YAP1: variants seen among roughly 807,000 people sequenced by gnomAD.
YAP1 encodes the protein transcriptional coactivator YAP1.
In YAP1, 5 loss-of-function variants were observed where a neutral mutation model predicts 56.9. The observed-to-expected ratio is 0.09, with a 90% confidence interval of 0.05 to 0.18. The LOEUF is 0.18. Among genes scored for constraint, YAP1 ranks in the 10% least tolerant of loss-of-function variants. YAP1 has a pLI of 1.00. For missense variants in YAP1, 539 were observed against 651.8 expected (o/e 0.83, Z 1.88); for synonymous variants, 265 against 248.1 (o/e 1.07, Z -0.64).
chr11:102,209,450 A>G, intron 5 of YAP1, 67 bp from the exon 6 acceptor site: 2 of 1,396,332 alleles, frequency 1.4e-6, no homozygotes, highest in Non-Finnish European at 2.0e-6. Context: ...ACAATTTGTA[A>G]GTCAGCCTAC....
At chr11:102,185,392 C>A (rs150315379) in intron 3 of YAP1, among the ~76,000 whole-genome samples, 1 of 152,212 alleles carries the variant, frequency 6.6e-6, no homozygotes, top group African/African-American at 2.4e-5. Context: ...TCCTCCCAAG[C>A]CTCCAACAAG....
chr11:102,112,111 G>C (rs897256213), intron 1 of YAP1, among the ~76,000 whole-genome samples: 3 of 152,230 alleles, frequency 2.0e-5, no homozygotes, highest in African/African-American at 7.2e-5. Context: ...GCGCTTTACA[G>C]TACCGAGGTT....
rs751339753 is a variant in YAP1 at position 102,112,425 on chromosome 11, CTTTTTT to C, written c.321+1272_321+1277del. ...TTTTCTTTCTTTTTTATTTCTTCTT[CTTTTTT>C]TTTTTTTTTTTTTTTGAGAACTTGC... On this transcript the variant is annotated intron_variant, in intron 1 of 8. Coordinates refer to ENST00000282441, the MANE Select transcript of YAP1 (RefSeq NM_001130145.3). 6.5e-5 allele frequency: 54 copies of C among 827,290 alleles called. No individual in the cohort carries two copies. The African/African-American group carries it at 8.3e-4, about 13-fold the overall frequency. 51.2% of individuals were successfully genotyped at this position (827,290 alleles called of 1,614,324 possible).
rs536183294 is a variant in YAP1 at position 102,139,044 on chromosome 11, T to C, written c.573-23412T>C. On this transcript the variant is annotated intron_variant, in intron 2 of 8. Coordinates refer to ENST00000282441, the MANE Select transcript of YAP1 (RefSeq NM_001130145.3). Reference sequence around the variant, plus strand: ...ATATATGTCTTTCTCTAAAGGCCCATGAAAACAAGTTTTTTTTTTTTCTCT... The same window carrying C: ...ATATATGTCTTTCTCTAAAGGCCCACGAAAACAAGTTTTTTTTTTTTCTCT... 4.5e-4 allele frequency among the ~76,000 whole-genome samples: 68 copies of C among 152,074 alleles called. 1 individual carries two copies. The South Asian group carries it at 0.013, about 29-fold the overall frequency.
intron 3 of YAP1, among the ~76,000 whole-genome samples, chr11:102,180,328 T>C (rs1947517924): frequency 6.6e-6 from 1 of 151,970 alleles, no homozygotes; most frequent in Non-Finnish European, 1.5e-5. Context: ...AAATGCAAAA[T>C]ATATACTCCT....
chr11:102,125,939 C>G (rs1944013167), intron 2 of YAP1, among the ~76,000 whole-genome samples: 1 of 152,024 alleles, frequency 6.6e-6, no homozygotes. Flanking sequence ...TTAGCAGCCA[C>G]TATCTCTAGC....
chr11:102,166,229 A>T (rs1639446640), intron 3 of YAP1, among the ~76,000 whole-genome samples: 1 of 152,184 alleles, frequency 6.6e-6, no homozygotes, highest in South Asian at 2.1e-4. Flanking sequence ...TCATATGGAG[A>T]CCTGCTGATC....
At chr11:102,111,422 G>A (rs1449003385) in intron 1 of YAP1, among the ~76,000 whole-genome samples, 2 of 152,134 alleles carry the variant, frequency 1.3e-5, no homozygotes, top group Admixed American at 6.5e-5. Context: ...GCAGCCCCGG[G>A]GGGCGTGCTT....
chr11:102,164,235 A>G (rs1026567068), intron 3 of YAP1, among the ~76,000 whole-genome samples: 20 of 152,030 alleles, frequency 1.3e-4, no homozygotes, highest in Admixed American at 3.9e-4. Context: ...GGGTTTCACT[A>G]TGTTGGCCAG....
intron 3 of YAP1, among the ~76,000 whole-genome samples, chr11:102,165,327 T>C (rs1258844661): frequency 6.6e-6 from 1 of 152,168 alleles, no homozygotes; most frequent in African/African-American, 2.4e-5. Context: ...ACCACCATAC[T>C]CCAGCCTAGG....
At chr11:102,119,572 C>T (rs1943523677) in intron 2 of YAP1, among the ~76,000 whole-genome samples, 1 of 151,398 alleles carries the variant, frequency 6.6e-6, no homozygotes, top group South Asian at 2.1e-4. Flanking sequence ...AATACCCTTT[C>T]CTAAAGCTTT....
At chr11:102,206,683 A>G (rs950498509) in intron 5 of YAP1, among the ~76,000 whole-genome samples, 2 of 152,132 alleles carry the variant, frequency 1.3e-5, no homozygotes, top group African/African-American at 4.8e-5. Context: ...TCTCTACTAA[A>G]AATAAAAAAA....
At chr11:102,163,988 C>T (rs1057328242) in intron 3 of YAP1, among the ~76,000 whole-genome samples, 14 of 151,676 alleles carry the variant, frequency 9.2e-5, no homozygotes, top group Admixed American at 5.2e-4. Context: ...CATTATACTA[C>T]GAATACATTC....
chr11:102,184,683 A>G (rs543760921), intron 3 of YAP1, among the ~76,000 whole-genome samples: 3 of 152,320 alleles, frequency 2.0e-5, no homozygotes, highest in South Asian at 2.1e-4. Context: ...AGTTTAACCA[A>G]AGTTACTTAT....
At chr11:102,139,282 T>C (rs1359081505) in intron 2 of YAP1, among the ~76,000 whole-genome samples, 1 of 151,922 alleles carries the variant, frequency 6.6e-6, no homozygotes, top group East Asian at 1.9e-4. Context: ...GGAGTTGTAT[T>C]GGGTCTATGA....
chr11:102,125,644 G>T (rs112224786), intron 2 of YAP1, among the ~76,000 whole-genome samples: 27 of 152,166 alleles, frequency 1.8e-4, no homozygotes, highest in African/African-American at 6.5e-4. Flanking sequence ...CTCCCAAAGT[G>T]CTGGGATTAC....
At chr11:102,162,676 G>A in intron 3 of YAP1, 105 bp downstream of exon 3, 1 of 1,054,820 alleles carries the variant, frequency 9.5e-7, no homozygotes, top group East Asian at 2.4e-5. Flanking sequence ...GGGACATGGT[G>A]ATGTTTATTG....
At position 102,142,584 on chromosome 11, in the gene YAP1, T is replaced by C. The variant is rs796446994; in HGVS notation, c.573-19872T>C. Among the ~76,000 whole-genome samples the C allele has an allele frequency of 1.4e-4, 21 of 152,358 alleles. No homozygotes were observed. In the South Asian group the frequency reaches 2.5e-3, roughly 18 times the overall value. ...AGAGCCATGGCATAGCCAGACACTT[T>C]CCATAGCTTTGAGAATCTATTCTTG... On this transcript the variant is annotated intron_variant, in intron 2 of 8. Coordinates refer to ENST00000282441, the MANE Select transcript of YAP1 (RefSeq NM_001130145.3).
chr11:102,207,729 C>T (rs1949193095), intron 5 of YAP1, among the ~76,000 whole-genome samples: 1 of 152,104 alleles, frequency 6.6e-6, no homozygotes, highest in Non-Finnish European at 1.5e-5. Context: ...GCCATGGCAT[C>T]TGAGACAGGC....
Sources: gnomAD v4.1 joint callset for allele counts (sites outside exome capture counted in the v4.1 genomes callset) on GRCh38, gnomAD v4.1.1 for gene constraint, MANE v1.5 for transcripts, NCBI Gene and HGNC (gene_info 2026-07-23, HGNC 2026-07-21) for gene names.